Variants in IPCEF1 observed in about 807,000 individuals in gnomAD.
The protein encoded by IPCEF1 is interaction protein for cytohesin exchange factors 1.
In IPCEF1, 31 loss-of-function variants were observed where a neutral mutation model predicts 50.9. The ratio of observed to expected loss-of-function variants is 0.61; its 90% CI spans 0.46 to 0.82. The LOEUF (loss-of-function observed/expected upper bound fraction) is 0.82, where lower values mean the gene tolerates loss of function less well. IPCEF1 is among the 40% of genes least tolerant of loss of function. IPCEF1 has a pLI of 0.00. For synonymous variants in IPCEF1, 181 were observed against 192.0 expected (o/e 0.94, Z 0.47); for missense variants, 458 against 514.0 (o/e 0.89, Z 1.05).
At chr6:154,345,542 C>G (rs1252369034) in intron 1 of IPCEF1, among the ~76,000 whole-genome samples, 1 of 152,198 alleles carries the variant, frequency 6.6e-6, no homozygotes, top group African/African-American at 2.4e-5. Flanking sequence ...GAGCTGCTGC[C>G]ACCTGCTATG....
chr6:154,270,074 C>T (rs1781864754), intron 2 of IPCEF1, among the ~76,000 whole-genome samples: 1 of 152,002 alleles, frequency 6.6e-6, no homozygotes, highest in Non-Finnish European at 1.5e-5. Context: ...AGTGCCTATA[C>T]ATAAGAATTG....
At chr6:154,288,642 A>G in intron 2 of IPCEF1, among the ~76,000 whole-genome samples, 1 of 132,290 alleles carries the variant, frequency 7.6e-6, no homozygotes, top group African/African-American at 2.9e-5. Context: ...CAGCCTGGAG[A>G]CAGAGCAAGA....
intron 11 of IPCEF1, among the ~76,000 whole-genome samples, chr6:154,166,989 C>A (rs948011030): frequency 6.6e-6 from 1 of 151,982 alleles, no homozygotes; most frequent in South Asian, 2.1e-4. Flanking sequence ...ATTTTTGTAG[C>A]CTTTTAGGGT....
chr6:154,160,541 A>AGAT (rs1491523433), intron 11 of IPCEF1, among the ~76,000 whole-genome samples: 2 of 152,220 alleles, frequency 1.3e-5, no homozygotes, highest in Admixed American at 1.3e-4. Flanking sequence ...ATAAATACAC[A>AGAT]GATTATCTTT....
At chr6:154,333,394 C>T (rs971289514) in intron 1 of IPCEF1, among the ~76,000 whole-genome samples, 2 of 151,880 alleles carry the variant, frequency 1.3e-5, no homozygotes, top group African/African-American at 4.8e-5. Flanking sequence ...CCAGCCTACA[C>T]CTTTCTCCTA....
At chr6:154,263,383 G>A (rs1583919777) in intron 3 of IPCEF1, among the ~76,000 whole-genome samples, 2 of 143,836 alleles carry the variant, frequency 1.4e-5, no homozygotes, top group South Asian at 4.6e-4. Flanking sequence ...CTAGGCAGAG[G>A]ACCCTGCGGC....
At chr6:154,315,507 A>G (rs1204444188) in intron 1 of IPCEF1, among the ~76,000 whole-genome samples, 1 of 152,210 alleles carries the variant, frequency 6.6e-6, no homozygotes, top group African/African-American at 2.4e-5. Flanking sequence ...TATTTTGAAC[A>G]TAGTTATAAG....
rs553669155 is a variant in IPCEF1, at chr6:154,214,048, G to T, written c.451+170C>A. Among the ~76,000 whole-genome samples the T allele has an allele frequency of 1.5e-3, 232 of 152,284 alleles. 1 individual carries two copies. The highest frequency in any genetic ancestry group is 3.1e-3 in the South Asian group (15 of 4,824). On this transcript the variant is annotated intron_variant, in intron 8 of 11. Transcript: ENST00000367220. ...GCATGGGAAGCTCTATTCCATGTTG[G>T]TGAGTCTGTGTGAATATGTCTGTCT... is the stretch of plus-strand genomic sequence containing the variant.
intron 10 of IPCEF1, among the ~76,000 whole-genome samples, chr6:154,171,502 T>C (rs1241852227): frequency 6.6e-6 from 1 of 152,078 alleles, no homozygotes; most frequent in Non-Finnish European, 1.5e-5. Context: ...AGCTAATGTG[T>C]AAGGATTTCT....
chr6:154,281,454 A>T (rs1782209518), intron 2 of IPCEF1, among the ~76,000 whole-genome samples: 2 of 152,086 alleles, frequency 1.3e-5, no homozygotes, highest in South Asian at 4.1e-4. Context: ...TGAGCCCAGG[A>T]GTTTGAGGTT....
intron 10 of IPCEF1, among the ~76,000 whole-genome samples, chr6:154,196,990 T>C (rs908754207): frequency 3.3e-5 from 5 of 152,210 alleles, no homozygotes; most frequent in East Asian, 1.9e-4. Context: ...GACTGTAATA[T>C]GTACTGTCTG....
chr6:154,238,159 T>G (rs1780288126), intron 5 of IPCEF1, among the ~76,000 whole-genome samples: 1 of 152,224 alleles, frequency 6.6e-6, no homozygotes. Flanking sequence ...CAGCATCATG[T>G]ATGATATTAT....
intron 1 of IPCEF1, among the ~76,000 whole-genome samples, chr6:154,344,602 C>G (rs1239731174): frequency 6.6e-6 from 1 of 152,120 alleles, no homozygotes; most frequent in East Asian, 1.9e-4. Flanking sequence ...AGGATTCTTC[C>G]CGGTATAGGA....
At chr6:154,275,990 A>AC (rs1342176164) in intron 2 of IPCEF1, among the ~76,000 whole-genome samples, 2 of 151,622 alleles carry the variant, frequency 1.3e-5, no homozygotes, top group Non-Finnish European at 2.9e-5. Context: ...AACCAGCCTG[A>AC]CCAACATGGT....
chr6:154,318,810 C>T (rs943859277), intron 1 of IPCEF1, among the ~76,000 whole-genome samples: 3 of 151,998 alleles, frequency 2.0e-5, no homozygotes, highest in Non-Finnish European at 4.4e-5. Context: ...TCATTCCATC[C>T]ATACACAAAA....
rs9479795 is a variant in IPCEF1, at chr6:154,238,684, A to G, written c.246+7907T>C. Among the ~76,000 whole-genome samples, 928 of 152,104 alleles carry G rather than the reference A, an allele frequency of 6.1e-3. 4 individuals carry two copies. Among genetic ancestry groups the G allele is most frequent in the South Asian group, 0.011 (51 of 4,818 alleles). On this transcript the variant is annotated intron_variant, in intron 5 of 11. Transcript: ENST00000367220. ...TTTTCCTATGAGCACATACTACTGT[A>G]TAACCTTTTTTATAATTTTTATTTT...
At chr6:154,186,005 C>T (rs536615035) in intron 10 of IPCEF1, among the ~76,000 whole-genome samples, 4 of 152,290 alleles carry the variant, frequency 2.6e-5, no homozygotes, top group South Asian at 2.1e-4. Context: ...GTGTTCTTTG[C>T]GGCCTATCAA....
At chr6:154,242,802 C>T (rs570778246) in intron 5 of IPCEF1, among the ~76,000 whole-genome samples, 18 of 152,122 alleles carry the variant, frequency 1.2e-4, no homozygotes, top group African/African-American at 4.3e-4. Flanking sequence ...GCATGAGAAT[C>T]GCTTGATCCT....
chr6:154,340,173 C>T (rs1294688014), intron 1 of IPCEF1, among the ~76,000 whole-genome samples: 2 of 152,096 alleles, frequency 1.3e-5, no homozygotes, highest in Non-Finnish European at 2.9e-5. Context: ...GTGACACAGC[C>T]TTAGGAAGTC....
Sources: gnomAD v4.1 joint callset for allele counts (sites outside exome capture counted in the v4.1 genomes callset) on GRCh38, gnomAD v4.1.1 for gene constraint, MANE v1.5 for transcripts, NCBI Gene and HGNC (gene_info 2026-07-23, HGNC 2026-07-21) for gene names.